INPPL1: variants seen among roughly 807,000 people sequenced by gnomAD.
INPPL1 encodes the protein inositol polyphosphate phosphatase like 1.
INPPL1 carries 91 observed loss-of-function variants against 139.3 expected under a neutral mutation model. That is an observed-to-expected ratio of 0.65 (90% CI 0.55 to 0.78). INPPL1 has a LOEUF of 0.78. INPPL1 is among the 30% of genes least tolerant of loss of function. The pLI, the probability that INPPL1 is intolerant of heterozygous loss-of-function variation, is 0.00. For missense variants in INPPL1, 1,411 were observed against 1,665.6 expected, an observed-to-expected ratio of 0.85 and a Z score of 2.66; for synonymous variants, 719 against 686.6, an observed-to-expected ratio of 1.05 and a Z score of -0.74.
Position 72,228,823 on chromosome 11 carries a change from C to T in INPPL1, c.494C>T (p.Thr165Ile), listed in dbSNP as rs902447558. 5.0e-6 allele frequency: 8 copies of T among 1,611,458 alleles called. No individual in the cohort carries two copies. Among genetic ancestry groups the T allele is most frequent in the Non-Finnish European group, 6.8e-6 (8 of 1,178,656 alleles). The stretch of plus-strand genomic sequence containing the variant: ...AGCAGTCCCCTGCCAGCTCCTGAGA[C>T]TCCCACAGCTCCAGCTGCTGAGAGG... Reference protein sequence around the residue: ...GPSSPLPAPETPTAPAAESAP... With the variant: ...GPSSPLPAPEIPTAPAAESAP... Residue 165 changes from threonine (T) to isoleucine (I), a missense_variant, in exon 4 of 28, where the codon ACT becomes ATT. Physicochemically the swap from Thr to Ile is moderately conservative, Grantham distance 89. Around this residue, in one of 5 missense-constraint regions of INPPL1, gnomAD observed 504 missense variants for 595.6 expected, o/e 0.85. Transcript: ENST00000298229. The surrounding 1 kb of genome is among the most constrained non-coding windows in gnomAD (Gnocchi z 5.0).
chr11:72,230,735 C>G (rs191775586), intron 10 of INPPL1, 61 bp from the exon 11 acceptor site: 1 of 1,401,422 alleles, frequency 7.1e-7, no homozygotes, highest in African/African-American at 1.4e-5. Context: ...GGCAGGGTAT[C>G]CCTGTGGACG....
Position 72,234,200 on chromosome 11 carries a change from G to A in INPPL1, c.2213-81G>A. ...CCTTGCTCTGGACCCCTGATTTCCT[G>A]TCCCAGGGCCCTGTTTCTCTGTCCC... On this transcript the variant is annotated intron_variant, in intron 19 of 27. Coordinates refer to ENST00000298229, the MANE Select transcript of INPPL1 (RefSeq NM_001567.4). This position sits in a 1 kb window ranked among gnomAD's most constrained non-coding sequence, Gnocchi z 4.2. 3 of 1,123,146 alleles carry A rather than the reference G, an allele frequency of 2.7e-6. No individual in the cohort carries two copies. Among genetic ancestry groups the A allele is most frequent in the South Asian group, 2.6e-5 (2 of 78,128 alleles). 69.6% of individuals were successfully genotyped at this position (1,123,146 alleles called of 1,614,324 possible). A position where few individuals can be genotyped will look rare whatever the true frequency, so the allele number is the denominator to read the frequency against.
intron 1 of INPPL1, chr11:72,227,889 G>GCT: frequency 2.2e-6 from 1 of 459,258 alleles, no homozygotes; most frequent in Non-Finnish European, 4.0e-6. Context: ...TGTTTAGACA[G>GCT]CTGTGGAGGC....
rs1403136274 is a variant in INPPL1 at position 72,238,643 on chromosome 11, A to G, written c.*290A>G. 3 of 259,288 alleles carry G rather than the reference A, an allele frequency of 1.2e-5. No homozygotes were observed. Among genetic ancestry groups the G allele is most frequent in the Non-Finnish European group, 2.2e-5 (3 of 137,348 alleles). The allele number at this position is 259,288 out of a possible 1,614,324, so 16.1% of individuals were successfully genotyped here. On this transcript the variant is annotated 3_prime_UTR_variant, in exon 28 of 28. Coordinates refer to ENST00000298229, the MANE Select transcript of INPPL1 (RefSeq NM_001567.4). ...CCTGTTTTACTGGACCCCGCCTCCCAGCCCCAGGGGTGCCTGTGGGGGTCC... is the reference window on the plus strand; with the variant it reads ...CCTGTTTTACTGGACCCCGCCTCCCGGCCCCAGGGGTGCCTGTGGGGGTCC...
Position 72,237,514 on chromosome 11 carries a change from TC to T in INPPL1, c.3273del (p.Lys1092ArgfsTer39). 6.2e-7 allele frequency: 1 copy of T among 1,608,058 alleles called. No individual in the cohort carries two copies. The highest frequency in any genetic ancestry group is 8.5e-7 in the Non-Finnish European group (1 of 1,176,306). On this transcript the variant is annotated frameshift_variant, in exon 26 of 28. Coordinates refer to ENST00000298229, the MANE Select transcript of INPPL1 (RefSeq NM_001567.4). LOFTEE classifies it high-confidence loss of function. Reference protein sequence around the residue: ...GGAEARGPPPPKAHPRPPLPP... With the variant: ...GGAEARGPPPXKAHPRPPLPP... ...GGGCTGAGGCCCGTGGCCCACCACC[TC>T]CCAAGGCCCATCCAAGGCCTCCACT...
At chr11:72,225,375 C>A in intron 1 of INPPL1, 1 of 985,420 alleles carries the variant, frequency 1.0e-6, no homozygotes, top group Non-Finnish European at 1.2e-6. Context: ...TTTCAGGAGC[C>A]TTGAGGGTAG....
In INPPL1 at chr11:72,233,645, CT is replaced by C. The variant is rs769635889; in HGVS notation, c.2123-9del. On this transcript the variant is annotated splice_polypyrimidine_tract_variant and intron_variant, in intron 18 of 27. Coordinates refer to ENST00000298229, the MANE Select transcript of INPPL1 (RefSeq NM_001567.4). ...CCCCCTGAGTCCCCATTCCTATCCC[CT>C]CTCCCCAGGTTGCACTGATGACATC... 5 of 1,613,560 alleles carry C rather than the reference CT, an allele frequency of 3.1e-6. No homozygotes were observed. The African/African-American group carries it at 6.7e-5, about 22-fold the overall frequency.
Position 72,235,167 on chromosome 11 carries a change from C to T in INPPL1, c.2467C>T (p.Leu823Phe), listed in dbSNP as rs1393227840. Residue 823 changes from leucine (L) to phenylalanine (F), a missense_variant, in exon 22 of 28, where the codon CTC (leucine) becomes TTC (phenylalanine). Physicochemically the swap from Leu to Phe is conservative, Grantham distance 22. Around this residue, in one of 5 missense-constraint regions of INPPL1, gnomAD observed 99 missense variants for 171.6 expected, o/e 0.58. Transcript: ENST00000298229. The surrounding 1 kb of genome is among the most constrained non-coding windows in gnomAD (Gnocchi z 4.9). ...GTACCTGCAGGACCAGCACCTCCTG[C>T]TCACAGTCAAGTCCATGGATGGCTA... ...IEYLQDQHLLLTVKSMDGYES... is the reference protein window; with the variant it reads ...IEYLQDQHLLFTVKSMDGYES... 1.9e-6 allele frequency: 3 copies of T among 1,614,022 alleles called. No homozygotes were observed. Among genetic ancestry groups the T allele is most frequent in the Admixed American group, 1.7e-5 (1 of 60,020 alleles).
chr11:72,232,830 C>G (rs754577899), intron 15 of INPPL1, 45 bp from the exon 16 acceptor site: 1 of 1,613,764 alleles, frequency 6.2e-7, no homozygotes, highest in Non-Finnish European at 8.5e-7. Context: ...ACCCCTGGCT[C>G]TGGCTCCGGA....
chr11:72,231,412 T>C, intron 12 of INPPL1, 86 bp from the exon 13 acceptor site: 1 of 1,152,320 alleles, frequency 8.7e-7, no homozygotes. Flanking sequence ...TACCCTGTGA[T>C]GGACACAAAA....
rs754410639 is a variant in INPPL1 at position 72,228,341 on chromosome 11, C to T, written c.247-7C>T. ...TGACCCTTCCTCCCACCCTTGCTGG[C>T]CCACAGACCTCGCAGGGTGTGCCTG... is the stretch of plus-strand genomic sequence containing the variant. On this transcript the variant is annotated splice_polypyrimidine_tract_variant and splice_region_variant and intron_variant, in intron 2 of 27. Coordinates refer to ENST00000298229, the MANE Select transcript of INPPL1 (RefSeq NM_001567.4). The surrounding 1 kb of genome is among the most constrained non-coding windows in gnomAD (Gnocchi z 5.0). 2 of 1,613,824 alleles carry T rather than the reference C, an allele frequency of 1.2e-6. No individual in the cohort carries two copies. The highest frequency in any genetic ancestry group is 3.3e-5 in the Admixed American group (2 of 60,010).
Position 72,231,051 on chromosome 11 carries a change from G to A in INPPL1, c.1359G>A (p.Lys453=). 1 of 1,614,140 alleles carries A rather than the reference G, an allele frequency of 6.2e-7. No homozygotes were observed. Among genetic ancestry groups the A allele is most frequent in the Non-Finnish European group, 8.5e-7 (1 of 1,180,026 alleles). Residue 453 remains lysine (K), a synonymous_variant, in exon 12 of 28, where the codon AAG becomes AAA. Coordinates refer to ENST00000298229, the MANE Select transcript of INPPL1 (RefSeq NM_001567.4). ...TSWFTSKGLG[K]TLDEVTVTIP... Reference sequence around the variant, plus strand: ...GGTTCACATCGAAGGGTCTGGGGAAGACCCTGGACGAGGTCACAGTGACCA... The same window carrying A: ...GGTTCACATCGAAGGGTCTGGGGAAAACCCTGGACGAGGTCACAGTGACCA...
intron 1 of INPPL1, among the ~76,000 whole-genome samples, chr11:72,226,230 G>A (rs1000392731): frequency 2.7e-5 from 4 of 149,816 alleles, no homozygotes; most frequent in African/African-American, 9.9e-5. Context: ...GCCCAGGCTG[G>A]AGTGCAGTAG....
chr11:72,229,940 A>C lies in INPPL1; in HGVS notation c.860A>C (p.Gln287Pro). The C allele has an allele frequency of 6.2e-7, 1 of 1,614,092 alleles. No individual in the cohort carries two copies. Among genetic ancestry groups the C allele is most frequent in the South Asian group, 1.1e-5 (1 of 91,082 alleles). ...TCCCTCCAGGCCCTGAAGGCCCTAC[A>C]GGACATGAGCTCCACAGCACCCCCA... ...GIQKKALKAL[Q>P]DMSSTAPPAP... Residue 287 changes from glutamine to proline, a missense_variant, in exon 8 of 28, where the codon CAG becomes CCG. By Grantham distance (76) the Gln-to-Pro change is moderately conservative. Coordinates refer to ENST00000298229, the MANE Select transcript of INPPL1 (RefSeq NM_001567.4).
upstream of INPPL1, chr11:72,223,896 C>T (rs1948589740): frequency 6.6e-6 from 1 of 152,104 alleles, no homozygotes; most frequent in African/African-American, 2.4e-5. Flanking sequence ...GGATGGCCAT[C>T]TTAAGTGGCC....
intron 25 of INPPL1, 110 bp downstream of exon 25, chr11:72,236,096 C>T (rs1053657629): frequency 4.5e-6 from 3 of 664,916 alleles, no homozygotes; most frequent in Non-Finnish European, 7.7e-6. Context: ...GCTTAGGTGC[C>T]CTGCCACTCT....
chr11:72,230,276 G>A lies in INPPL1; in HGVS notation c.1090+5G>A, dbSNP rs760333264. 6.2e-7 allele frequency: 1 copy of A among 1,608,820 alleles called. No homozygotes were observed. Among genetic ancestry groups the A allele is most frequent in the South Asian group, 1.1e-5 (1 of 90,468 alleles). On this transcript the variant is annotated splice_donor_5th_base_variant and intron_variant, in intron 9 of 27. Transcript: ENST00000298229. ...CCACCTTCACGCACGACCGCAGTGAGCCAGGGCCAGACCTGGGAGGGGTGG... is the reference window on the plus strand; with the variant it reads ...CCACCTTCACGCACGACCGCAGTGAACCAGGGCCAGACCTGGGAGGGGTGG...
Position 72,234,269 on chromosome 11 carries a change from C to G in INPPL1, c.2213-12C>G. On this transcript the variant is annotated splice_polypyrimidine_tract_variant and intron_variant, in intron 19 of 27. Transcript: ENST00000298229. The surrounding 1 kb of genome is among the most constrained non-coding windows in gnomAD (Gnocchi z 4.2). ...TCAGTCCTCCTGTTTGTTCTCCTCC[C>G]TTTCTCCTCAGGGCTCTCAAAGACT... 1.3e-6 allele frequency: 2 copies of G among 1,597,310 alleles called. No homozygotes were observed. Among genetic ancestry groups the G allele is most frequent in the Non-Finnish European group, 1.7e-6 (2 of 1,164,940 alleles).
Position 72,235,988 on chromosome 11 carries a change from T to A in INPPL1, c.2879+2T>A. On this transcript the variant is annotated splice_donor_variant, in intron 25 of 27. Transcript: ENST00000298229. LOFTEE classifies it high-confidence loss of function. This position sits in a 1 kb window ranked among gnomAD's most constrained non-coding sequence, Gnocchi z 4.9. ...CCGGGAGGAGCCCTTGACCCCCAGG[T>A]GAGAGGAGGAACCTGTCACCGCCCC... 2.6e-6 allele frequency: 4 copies of A among 1,509,916 alleles called. No homozygotes were observed. The highest frequency in any genetic ancestry group is 3.6e-6 in the Non-Finnish European group (4 of 1,122,760). The allele number at this position is 1,509,916 out of a possible 1,614,324, so 93.5% of individuals were successfully genotyped here. A position where few individuals can be genotyped will look rare whatever the true frequency, so the allele number is the denominator to read the frequency against.
Sources: allele counts gnomAD v4.1 joint callset (sites outside exome capture counted in the v4.1 genomes callset), GRCh38; gene constraint gnomAD v4.1.1; regional missense constraint gnomAD v4.1.1; non-coding constraint Gnocchi (gnomAD v3.1); transcripts MANE v1.5; gene names NCBI Gene and HGNC (gene_info 2026-07-23, HGNC 2026-07-21).